The following MICAL3 variants were observed in gnomAD, a reference collection of about 807,000 sequenced individuals.
The protein encoded by MICAL3 is [F-actin]-monooxygenase MICAL3.
Under a neutral mutation model 207.4 loss-of-function variants are expected in MICAL3, and 62 were observed. The observed-to-expected ratio is 0.30, with a 90% CI of 0.24 to 0.37. The LOEUF is 0.37. Among genes scored for constraint, MICAL3 ranks in the 10% least tolerant of loss-of-function variants. The probability of loss-of-function intolerance (pLI) is 1.00; values close to 1 mark genes in which losing one functional copy is unlikely to be tolerated. For synonymous variants in MICAL3, 1,077 were observed against 1,069.3 expected (o/e 1.01, Z -0.14); for missense variants, 2,368 against 2,635.6 (o/e 0.90, Z 2.22).
intron 1 of MICAL3, among the ~76,000 whole-genome samples, chr22:17,927,408 C>T (rs1391871573): frequency 1.3e-5 from 2 of 152,166 alleles, no homozygotes; most frequent in African/African-American, 4.8e-5. Context: ...ACAAATACAC[C>T]CTGCTCAAGT....
intron 27 of MICAL3, chr22:17,811,069 G>A: frequency 2.2e-6 from 1 of 445,560 alleles, no homozygotes; most frequent in Non-Finnish European, 4.1e-6. Flanking sequence ...TCCACAGAGT[G>A]AGACATTTCC....
intron 16 of MICAL3, among the ~76,000 whole-genome samples, chr22:17,873,874 T>A (rs1357380092): frequency 6.6e-6 from 1 of 152,244 alleles, no homozygotes; most frequent in Non-Finnish European, 1.5e-5. Flanking sequence ...CACCACCATG[T>A]GGGTGATGCT....
intron 19 of MICAL3, among the ~76,000 whole-genome samples, chr22:17,854,623 A>T (rs1234353312): frequency 6.6e-6 from 1 of 152,082 alleles, no homozygotes; most frequent in Non-Finnish European, 1.5e-5. Flanking sequence ...GAGCACCTGC[A>T]CCCCAAGTAG....
chr22:17,958,533 C>A (rs1189587297), intron 1 of MICAL3, among the ~76,000 whole-genome samples: 1 of 152,154 alleles, frequency 6.6e-6, no homozygotes. Context: ...GGCTCCCCTA[C>A]CCCAAAAACC....
chr22:17,926,669 C>T (rs1932936947), intron 1 of MICAL3, among the ~76,000 whole-genome samples: 1 of 152,218 alleles, frequency 6.6e-6, no homozygotes, highest in Non-Finnish European at 1.5e-5. Context: ...CAGGTGTTGG[C>T]CTCCACACCG....
In MICAL3 at chr22:17,832,000, T is replaced by G; in HGVS notation, c.2909A>C (p.His970Pro). Reference sequence around the variant, plus strand: ...TTCACTTTTCCCTTTCAGAAGGGCATGGATCCGCACGGCCTCCTTCCACGG... The same window carrying G: ...TTCACTTTTCCCTTTCAGAAGGGCAGGGATCCGCACGGCCTCCTTCCACGG... ...GVPWKEAVRI[H>P]ALLKGKSEEE... Residue 970 changes from histidine (H) to proline (P), a missense_variant, in exon 21 of 32, where the codon CAT becomes CCT. Physicochemically the swap from His to Pro is moderately conservative, Grantham distance 77. This residue lies in a region of MICAL3 where 1,770 missense variants were observed against 1,863.2 expected (regional missense o/e 0.95). Coordinates refer to ENST00000441493, the MANE Select transcript of MICAL3 (RefSeq NM_015241.3). 1 of 1,606,318 alleles carries G rather than the reference T, an allele frequency of 6.2e-7. No individual in the cohort carries two copies.
chr22:17,887,472 T>A, intron 13 of MICAL3, 37 bp from the exon 14 acceptor site: 1 of 1,477,954 alleles, frequency 6.8e-7, no homozygotes, highest in Non-Finnish European at 9.4e-7. Flanking sequence ...AGCACAGCCC[T>A]TGAGGGCGCC....
chr22:17,827,217 T>C (rs906380471), intron 22 of MICAL3, among the ~76,000 whole-genome samples: 1 of 151,400 alleles, frequency 6.6e-6, no homozygotes, highest in African/African-American at 2.4e-5. Context: ...TGGACAGAAA[T>C]CTCTTCCCAA....
At chr22:17,834,397 G>A (rs1923135917) in intron 20 of MICAL3, 1 of 1,280,928 alleles carries the variant, frequency 7.8e-7, no homozygotes, top group Admixed American at 2.4e-5. Context: ...GACACTGTAG[G>A]GAACACAAAG....
rs1307480893 is a variant in MICAL3 at position 17,984,777 on chromosome 22, T to C, written c.-75+39504A>G. ...ATGCATTTTATAAATATAAATTCAT[T>C]TGATCCTCACAAAAATTCTGAGTTA... is the stretch of plus-strand genomic sequence containing the variant. On this transcript the variant is annotated intron_variant, in intron 1 of 31. Coordinates refer to ENST00000441493, the MANE Select transcript of MICAL3 (RefSeq NM_015241.3). Among the ~76,000 whole-genome samples, 5 of 152,350 alleles carry C rather than the reference T, an allele frequency of 3.3e-5. No individual in the cohort carries two copies. The East Asian group carries it at 7.7e-4, about 23-fold the overall frequency.
At chr22:17,808,642 G>A (rs2062012217) in intron 29 of MICAL3, among the ~76,000 whole-genome samples, 2 of 152,202 alleles carry the variant, frequency 1.3e-5, no homozygotes, top group South Asian at 4.1e-4. Context: ...GAGGGGCTGT[G>A]GAGCAGGATG....
At chr22:17,822,529 T>C (rs1320132293) in intron 23 of MICAL3, among the ~76,000 whole-genome samples, 1 of 152,198 alleles carries the variant, frequency 6.6e-6, no homozygotes, top group Non-Finnish European at 1.5e-5. Context: ...CTCCTCTCAG[T>C]AGCCCTGACT....
chr22:17,790,715 G>C lies in MICAL3; in HGVS notation c.*17C>G, dbSNP rs531258964. 18 of 1,572,630 alleles carry C rather than the reference G, an allele frequency of 1.1e-5. No homozygotes were observed. The East Asian group carries it at 4.2e-4, about 37-fold the overall frequency. ...GCCAGGCGGATGCCAACAGAAAATGGAGCGTTGGGTGGGAGCTCAGGACCA... is the reference window on the plus strand; with the variant it reads ...GCCAGGCGGATGCCAACAGAAAATGCAGCGTTGGGTGGGAGCTCAGGACCA... On this transcript the variant is annotated 3_prime_UTR_variant, in exon 32 of 32. Coordinates refer to ENST00000441493, the MANE Select transcript of MICAL3 (RefSeq NM_015241.3).
At chr22:18,022,389 CT>C (rs1924539755) in intron 1 of MICAL3, among the ~76,000 whole-genome samples, 1 of 151,810 alleles carries the variant, frequency 6.6e-6, no homozygotes, top group East Asian at 1.9e-4. Flanking sequence ...TTGCCTCTTC[CT>C]TCTCCAGAGT....
intron 1 of MICAL3, among the ~76,000 whole-genome samples, chr22:17,987,781 T>C (rs769606190): frequency 3.4e-5 from 5 of 147,822 alleles, no homozygotes; most frequent in Non-Finnish European, 7.5e-5. Context: ...GGGCACAATG[T>C]CTTCAATTTT....
intron 1 of MICAL3, among the ~76,000 whole-genome samples, chr22:17,952,157 G>A (rs1268508806): frequency 6.6e-6 from 1 of 152,186 alleles, no homozygotes; most frequent in Non-Finnish European, 1.5e-5. Context: ...GAAAGGATTT[G>A]GTTTCCTTTT....
chr22:17,857,725 G>A (rs1470467116), intron 19 of MICAL3, among the ~76,000 whole-genome samples: 1 of 152,242 alleles, frequency 6.6e-6, no homozygotes, highest in Admixed American at 6.5e-5. Context: ...CTGCAGCAAG[G>A]CGGAGCTGGG....
At chr22:18,008,429 C>T (rs1923538032) in intron 1 of MICAL3, among the ~76,000 whole-genome samples, 1 of 152,178 alleles carries the variant, frequency 6.6e-6, no homozygotes, top group Non-Finnish European at 1.5e-5. Context: ...GGCTCAAAAG[C>T]CCATCCCATC....
chr22:17,872,969 A>T, intron 16 of MICAL3: 1 of 721,680 alleles, frequency 1.4e-6, no homozygotes. Context: ...CAATTTGAAT[A>T]CAAGGTGCAG....
Sources: allele counts gnomAD v4.1 joint callset (sites outside exome capture counted in the v4.1 genomes callset), GRCh38; gene constraint gnomAD v4.1.1; regional missense constraint gnomAD v4.1.1; transcripts MANE v1.5; gene names NCBI Gene and HGNC (gene_info 2026-07-23, HGNC 2026-07-21).